Variants in PLD5 observed in about 807,000 individuals in gnomAD.
The protein encoded by PLD5 is phospholipase D family member 5.
A neutral mutation model predicts 61.1 loss-of-function variants in PLD5; 36 were observed. That is an observed-to-expected ratio of 0.59 (90% CI 0.45 to 0.78). PLD5 has a LOEUF of 0.78. Among genes scored for constraint, PLD5 ranks in the 30% least tolerant of loss-of-function variants. The pLI is 0.00. For missense variants in PLD5, 515 were observed against 644.4 expected, an observed-to-expected ratio of 0.80 and a Z score of 2.17; for synonymous variants, 243 against 242.8, an observed-to-expected ratio of 1.00 and a Z score of -0.01.
rs1366249586 is a variant in PLD5, at chr1:242,117,403, A to G, written c.934-3377T>C. On this transcript the variant is annotated intron_variant, in intron 6 of 9. Coordinates refer to ENST00000536534, the MANE Select transcript of PLD5 (RefSeq NM_001372062.1). Reference sequence around the variant, plus strand: ...CTCCATGAATTTTTTTTTTTTTTAGATGGAGTCTTGCTCTGTTGCCCAGGC... The same window carrying G: ...CTCCATGAATTTTTTTTTTTTTTAGGTGGAGTCTTGCTCTGTTGCCCAGGC... 4.1e-5 allele frequency among the ~76,000 whole-genome samples: 6 copies of G among 147,376 alleles called. No individual in the cohort carries two copies. In the East Asian group the frequency reaches 1.2e-3, roughly 29 times the overall value.
intron 2 of PLD5, among the ~76,000 whole-genome samples, chr1:242,321,637 C>T (rs1477450243): frequency 6.6e-6 from 1 of 151,532 alleles, no homozygotes; most frequent in East Asian, 2.0e-4. Flanking sequence ...GCTACCTTTG[C>T]CAGCCAGGCC....
intron 1 of PLD5, among the ~76,000 whole-genome samples, chr1:242,405,091 G>A (rs190939126): frequency 2.6e-5 from 4 of 151,922 alleles, no homozygotes; most frequent in African/African-American, 9.7e-5. Flanking sequence ...AAGTTGACCA[G>A]GCTGGTCTTG....
intron 1 of PLD5, among the ~76,000 whole-genome samples, chr1:242,463,156 C>T (rs1214588332): frequency 5.9e-5 from 9 of 152,140 alleles, no homozygotes; most frequent in Admixed American, 3.9e-4. Context: ...AACCAGTTTT[C>T]GGCCCCATTA....
intron 5 of PLD5, among the ~76,000 whole-genome samples, chr1:242,214,894 T>TTTTTTG (rs1670056827): frequency 7.0e-6 from 1 of 143,650 alleles, no homozygotes; most frequent in African/African-American, 2.7e-5. Context: ...TTTTTTTTTT[T>TTTTTTG]GAGATGGAGT....
intron 5 of PLD5, among the ~76,000 whole-genome samples, chr1:242,171,781 G>A (rs1402409008): frequency 1.3e-5 from 2 of 150,992 alleles, no homozygotes; most frequent in African/African-American, 2.4e-5. Context: ...AACCAACAAA[G>A]ATCAAAAAAG....
chr1:242,343,065 T>C (rs1015353824), intron 2 of PLD5, among the ~76,000 whole-genome samples: 4 of 152,010 alleles, frequency 2.6e-5, no homozygotes, highest in African/African-American at 9.7e-5. Context: ...TATTAGAGGA[T>C]AGAGAGGCTA....
At chr1:242,335,753 T>A (rs1457501361) in intron 2 of PLD5, among the ~76,000 whole-genome samples, 1 of 152,194 alleles carries the variant, frequency 6.6e-6, no homozygotes, top group East Asian at 1.9e-4. Context: ...AAGCTCACCT[T>A]ATATATGCAC....
chr1:242,475,829 T>A (rs1043202384), intron 1 of PLD5, among the ~76,000 whole-genome samples: 4 of 152,104 alleles, frequency 2.6e-5, no homozygotes, highest in African/African-American at 9.7e-5. Flanking sequence ...TAGAAGAGTG[T>A]GTGCTCAGAG....
At chr1:242,124,155 G>GA (rs1330324405) in intron 6 of PLD5, among the ~76,000 whole-genome samples, 9 of 152,204 alleles carry the variant, frequency 5.9e-5, no homozygotes, top group Admixed American at 5.9e-4. Context: ...CATCGGATGG[G>GA]CTTTTTGCTA....
intron 1 of PLD5, among the ~76,000 whole-genome samples, chr1:242,382,077 G>C (rs954575523): frequency 1.8e-4 from 28 of 151,440 alleles, no homozygotes; most frequent in Admixed American, 1.8e-3. Flanking sequence ...GAGAAACAGT[G>C]GGTGATTCCC....
chr1:242,271,450 G>A (rs946520912), intron 3 of PLD5, among the ~76,000 whole-genome samples: 7 of 152,120 alleles, frequency 4.6e-5, no homozygotes, highest in African/African-American at 1.4e-4. Context: ...GCTATATTCT[G>A]TAAAATTACT....
intron 1 of PLD5, among the ~76,000 whole-genome samples, chr1:242,515,199 C>CCT (rs1553271764): frequency 6.7e-6 from 1 of 149,046 alleles, no homozygotes; most frequent in African/African-American, 2.5e-5. Flanking sequence ...TTTGTGTGTG[C>CCT]GTGTGTGTGT....
chr1:242,188,460 G>A (rs1031580998), intron 5 of PLD5, among the ~76,000 whole-genome samples: 3 of 152,190 alleles, frequency 2.0e-5, no homozygotes, highest in Non-Finnish European at 4.4e-5. Context: ...TTGGCACAGA[G>A]ATAAGATTTG....
At chr1:242,334,341 G>T (rs1369411409) in intron 2 of PLD5, among the ~76,000 whole-genome samples, 1 of 152,118 alleles carries the variant, frequency 6.6e-6, no homozygotes, top group Non-Finnish European at 1.5e-5. Flanking sequence ...ATCCCAGCAG[G>T]TTCAGGAAAT....
chr1:242,406,296 T>C (rs771673274), intron 1 of PLD5, among the ~76,000 whole-genome samples: 5 of 152,196 alleles, frequency 3.3e-5, no homozygotes, highest in Non-Finnish European at 7.3e-5. Context: ...ATGCAAGGAA[T>C]GAGAAAATGA....
chr1:242,178,646 A>T (rs996174956), intron 5 of PLD5, among the ~76,000 whole-genome samples: 3 of 152,162 alleles, frequency 2.0e-5, no homozygotes, highest in Admixed American at 2.0e-4. Flanking sequence ...TGCGTTAATT[A>T]ACACTCAAAT....
At chr1:242,529,684 C>G (rs544850553), upstream of PLD5, among the ~76,000 whole-genome samples, 3 of 152,148 alleles carry the variant, frequency 2.0e-5, no homozygotes, top group East Asian at 5.8e-4. Context: ...TCAACTAGCC[C>G]CCAGAGCGAG....
At chr1:242,264,174 A>C (rs563631879) in intron 4 of PLD5, among the ~76,000 whole-genome samples, 2 of 152,358 alleles carry the variant, frequency 1.3e-5, no homozygotes, top group Non-Finnish European at 2.9e-5. Context: ...TTACATTTTT[A>C]AAAAATAGGA....
intron 2 of PLD5, among the ~76,000 whole-genome samples, chr1:242,297,963 G>A (rs1290400806): frequency 8.5e-5 from 13 of 152,178 alleles, no homozygotes; most frequent in Non-Finnish European, 1.9e-4. Flanking sequence ...TTAATTCAAA[G>A]TTTTATAACC....
Sources: gnomAD v4.1 joint callset for allele counts (sites outside exome capture counted in the v4.1 genomes callset) on GRCh38, gnomAD v4.1.1 for gene constraint, MANE v1.5 for transcripts, NCBI Gene and HGNC (gene_info 2026-07-23, HGNC 2026-07-21) for gene names.